The following TRA2A variants were observed in gnomAD, a reference collection of about 807,000 sequenced individuals.
TRA2A encodes transformer 2 alpha homolog.
In TRA2A, 31 loss-of-function variants were observed where a neutral mutation model predicts 45.7. That is an observed-to-expected ratio of 0.68 (90% CI 0.51 to 0.92). The LOEUF is 0.92. TRA2A is among the 40% of genes least tolerant of loss of function. TRA2A has a pLI of 0.00. For synonymous variants in TRA2A, 132 were observed against 126.2 expected, an observed-to-expected ratio of 1.05 and a Z score of -0.31; for missense variants, 304 against 367.5, an observed-to-expected ratio of 0.83 and a Z score of 1.41.
intron 4 of TRA2A, among the ~76,000 whole-genome samples, chr7:23,510,455 G>T (rs765933885): frequency 3.9e-5 from 6 of 152,058 alleles, no homozygotes; most frequent in Non-Finnish European, 8.8e-5. Context: ...TCAGCCTCCC[G>T]AGTAGCTTGG....
At position 23,511,370 on chromosome 7, in the gene TRA2A, C is replaced by CAAAAAAAAAAAAAAAAA. The variant is rs567187750; in HGVS notation, c.525+1507_525+1523dup. Among the ~76,000 whole-genome samples, 7 of 40,108 alleles carry CAAAAAAAAAAAAAAAAA rather than the reference C, an allele frequency of 1.7e-4. 1 individual carries two copies. Among genetic ancestry groups the CAAAAAAAAAAAAAAAAA allele is most frequent in the Admixed American group, 4.3e-4 (1 of 2,332 alleles). 26.3% of individuals were successfully genotyped at this position (40,108 alleles called of 152,430 possible). A position where few individuals can be genotyped will look rare whatever the true frequency, so the allele number is the denominator to read the frequency against. On this transcript the variant is annotated intron_variant, in intron 4 of 7. Transcript: ENST00000297071. Reference sequence around the variant, plus strand: ...TGGGCGACAGAGCGAGACTCCATCTCAAAAAAAAAAAAAAAAAAAAAAAAA... The same window carrying CAAAAAAAAAAAAAAAAA: ...TGGGCGACAGAGCGAGACTCCATCTCAAAAAAAAAAAAAAAAAAAAAAAAAAAAAAAAAAAAAAAAAA...
chr7:23,511,370 C>CAAAAAAAAAA lies in TRA2A; in HGVS notation c.525+1514_525+1523dup, dbSNP rs567187750. Among the ~76,000 whole-genome samples the CAAAAAAAAAA allele has an allele frequency of 8.7e-4, 35 of 40,100 alleles. 2 individuals are homozygous for CAAAAAAAAAA. The highest frequency in any genetic ancestry group is 1.1e-3 in the Non-Finnish European group (23 of 21,512). The allele number at this position is 40,100 out of a possible 152,430, so 26.3% of individuals were successfully genotyped here. On this transcript the variant is annotated intron_variant, in intron 4 of 7. Coordinates refer to ENST00000297071, the MANE Select transcript of TRA2A (RefSeq NM_013293.5). ...TGGGCGACAGAGCGAGACTCCATCT[C>CAAAAAAAAAA]AAAAAAAAAAAAAAAAAAAAAAAAA...
At chr7:23,522,033 G>C (rs1562798404) in intron 1 of TRA2A, 193 bp from the exon 2 acceptor site, 33 of 1,396,268 alleles carry the variant, frequency 2.4e-5, no homozygotes, top group Non-Finnish European at 2.6e-5. Context: ...TTCCCTACTT[G>C]AACCAGATCA....
At chr7:23,528,791 C>T (rs758017145) in intron 1 of TRA2A, among the ~76,000 whole-genome samples, 16 of 152,016 alleles carry the variant, frequency 1.1e-4, no homozygotes, top group Non-Finnish European at 2.1e-4. Flanking sequence ...CCTCAGCCTC[C>T]TAAGTAGCTA....
At chr7:23,516,998 C>T (rs965688568) in intron 2 of TRA2A, among the ~76,000 whole-genome samples, 21 of 152,074 alleles carry the variant, frequency 1.4e-4, no homozygotes, top group Non-Finnish European at 2.8e-4. Flanking sequence ...ATTCCAGCTA[C>T]TTGGGAGGCT....
intron 1 of TRA2A, among the ~76,000 whole-genome samples, chr7:23,530,720 C>T (rs1031076572): frequency 4.6e-5 from 7 of 152,136 alleles, no homozygotes; most frequent in African/African-American, 1.2e-4. Flanking sequence ...TTTCTCCGAC[C>T]CCAAATATAT....
intron 3 of TRA2A, among the ~76,000 whole-genome samples, chr7:23,515,878 G>T (rs1471575887): frequency 1.1e-4 from 17 of 150,160 alleles, no homozygotes; most frequent in Admixed American, 1.1e-3. Flanking sequence ...GTCATGAAAA[G>T]AAAAATATAC....
chr7:23,522,469 G>T, intron 1 of TRA2A: 1 of 1,040,650 alleles, frequency 9.6e-7, no homozygotes, highest in Non-Finnish European at 1.2e-6. Flanking sequence ...ATTTAAGCAC[G>T]TGGGGATTAT....
At chr7:23,506,799 G>A (rs766472105) in intron 5 of TRA2A, among the ~76,000 whole-genome samples, 17 of 152,026 alleles carry the variant, frequency 1.1e-4, no homozygotes, top group Non-Finnish European at 2.2e-4. Flanking sequence ...TTTTTGAGAC[G>A]GAGTCTTGCT....
intron 1 of TRA2A, among the ~76,000 whole-genome samples, chr7:23,529,008 A>G (rs1207659965): frequency 2.6e-5 from 4 of 152,218 alleles, no homozygotes; most frequent in Non-Finnish European, 5.9e-5. Flanking sequence ...CAACACTGGG[A>G]TGCTGTATGA....
At chr7:23,523,726 G>T (rs1790229881) in intron 1 of TRA2A, among the ~76,000 whole-genome samples, 1 of 152,218 alleles carries the variant, frequency 6.6e-6, no homozygotes, top group Non-Finnish European at 1.5e-5. Context: ...CTCAACAGAT[G>T]TCTGGAGCAG....
At chr7:23,519,427 C>T (rs1340156934) in intron 2 of TRA2A, among the ~76,000 whole-genome samples, 2 of 151,988 alleles carry the variant, frequency 1.3e-5, no homozygotes, top group Non-Finnish European at 2.9e-5. Context: ...CTGACACAGA[C>T]CAGCAGTGAT....
chr7:23,520,259 A>G (rs368481589), intron 2 of TRA2A, among the ~76,000 whole-genome samples: 14 of 152,112 alleles, frequency 9.2e-5, no homozygotes, highest in African/African-American at 2.9e-4. Flanking sequence ...AGGAGTCTCT[A>G]TTTTTTTTAA....
chr7:23,505,536 C>T lies in TRA2A; in HGVS notation c.*23G>A, dbSNP rs564072996. On this transcript the variant is annotated 3_prime_UTR_variant, in exon 8 of 8. Transcript: ENST00000297071. ...AAAAAAAAAAGAGGAAAAAAAATGT[C>T]CTTAATTGCAACCATTCCGTTATCA... The T allele has an allele frequency of 3.5e-5, 16 of 451,806 alleles. No homozygotes were observed. Among genetic ancestry groups the T allele is most frequent in the African/African-American group, 3.1e-4 (12 of 38,720 alleles). 28.0% of individuals were successfully genotyped at this position (451,806 alleles called of 1,614,324 possible). A position where few individuals can be genotyped will look rare whatever the true frequency, so the allele number is the denominator to read the frequency against.
intron 2 of TRA2A, among the ~76,000 whole-genome samples, chr7:23,520,666 T>C (rs1288810672): frequency 6.7e-6 from 1 of 150,256 alleles, no homozygotes; most frequent in African/African-American, 2.5e-5. Flanking sequence ...GTAAGCTAAC[T>C]GGTCAGGCTG....
intron 2 of TRA2A, among the ~76,000 whole-genome samples, chr7:23,518,342 G>T (rs1789981036): frequency 6.6e-6 from 1 of 151,050 alleles, no homozygotes; most frequent in Non-Finnish European, 1.5e-5. Flanking sequence ...ATCAAAACTG[G>T]TAACATTTCT....
At chr7:23,518,167 G>C (rs1789972812) in intron 2 of TRA2A, among the ~76,000 whole-genome samples, 1 of 151,924 alleles carries the variant, frequency 6.6e-6, no homozygotes, top group South Asian at 2.1e-4. Context: ...TTGAAGTCCT[G>C]TTCAAGCAAT....
At chr7:23,517,461 G>A (rs1167368669) in intron 2 of TRA2A, among the ~76,000 whole-genome samples, 1 of 75,294 alleles carries the variant, frequency 1.3e-5, no homozygotes, top group Non-Finnish European at 2.4e-5. Context: ...CTGGGCGACA[G>A]AGCAAGACTA....
At chr7:23,506,018 A>C in intron 6 of TRA2A, 120 bp downstream of exon 6, 1 of 915,936 alleles carries the variant, frequency 1.1e-6, no homozygotes, top group Non-Finnish European at 1.7e-6. Context: ...CTGCTCCCAA[A>C]GGCGTCATAT....
Sources: gnomAD v4.1 joint callset for allele counts (sites outside exome capture counted in the v4.1 genomes callset) on GRCh38, gnomAD v4.1.1 for gene constraint, MANE v1.5 for transcripts, NCBI Gene and HGNC (gene_info 2026-07-23, HGNC 2026-07-21) for gene names.